The following CNTNAP2 variants were observed in gnomAD, a reference collection of about 807,000 sequenced individuals.
CNTNAP2 encodes contactin-associated protein-like 2.
A neutral mutation model predicts 155.2 loss-of-function variants in CNTNAP2; 98 were observed. The ratio of observed to expected loss-of-function variants is 0.63; its 90% confidence interval spans 0.54 to 0.75. The LOEUF is 0.75. CNTNAP2 is among the 30% of genes least tolerant of loss of function. The probability of loss-of-function intolerance (pLI) is 0.00; values close to 1 mark genes in which losing one functional copy is unlikely to be tolerated. For synonymous variants in CNTNAP2, 651 were observed against 631.2 expected, an observed-to-expected ratio of 1.03 and a Z score of -0.47; for missense variants, 1,727 against 1,688.1, an observed-to-expected ratio of 1.02 and a Z score of -0.40.
intron 8 of CNTNAP2, 45 bp downstream of exon 8, chr7:147,132,554 T>C: frequency 1.2e-6 from 2 of 1,611,212 alleles, no homozygotes; most frequent in Non-Finnish European, 1.7e-6. Flanking sequence ...CTTATTGCAA[T>C]TTCCAGAGTT....
chr7:147,485,664 T>C (rs1798497209), intron 10 of CNTNAP2, among the ~76,000 whole-genome samples: 1 of 152,168 alleles, frequency 6.6e-6, no homozygotes, highest in Non-Finnish European at 1.5e-5. Flanking sequence ...ATAAAATGAA[T>C]CTGTGATATT....
chr7:146,920,227 A>T (rs1011661311), intron 3 of CNTNAP2, among the ~76,000 whole-genome samples: 2 of 152,098 alleles, frequency 1.3e-5, no homozygotes, highest in Non-Finnish European at 2.9e-5. Flanking sequence ...CAGCCTGGGC[A>T]AGGTGGTGAA....
At chr7:148,109,244 C>T (rs1461299868) in intron 15 of CNTNAP2, among the ~76,000 whole-genome samples, 1 of 152,186 alleles carries the variant, frequency 6.6e-6, no homozygotes, top group Non-Finnish European at 1.5e-5. Context: ...TCTTACCATA[C>T]CCTATAAAAG....
At chr7:147,470,523 A>G (rs1237123273) in intron 10 of CNTNAP2, among the ~76,000 whole-genome samples, 2 of 151,974 alleles carry the variant, frequency 1.3e-5, no homozygotes, top group African/African-American at 4.8e-5. Context: ...GATGGTAGCT[A>G]TGATAGTGTC....
chr7:147,824,251 G>T (rs532700854), intron 13 of CNTNAP2, among the ~76,000 whole-genome samples: 6 of 152,080 alleles, frequency 3.9e-5, no homozygotes, highest in Non-Finnish European at 7.4e-5. Flanking sequence ...TTAAACTATC[G>T]CAGAGAGTAG....
At chr7:147,285,303 A>G (rs1427823012) in intron 8 of CNTNAP2, among the ~76,000 whole-genome samples, 3 of 151,888 alleles carry the variant, frequency 2.0e-5, no homozygotes, top group African/African-American at 7.2e-5. Flanking sequence ...AAAAACAATT[A>G]TCTCACTCGT....
At chr7:147,464,958 C>T (rs1798091817) in intron 10 of CNTNAP2, among the ~76,000 whole-genome samples, 1 of 152,216 alleles carries the variant, frequency 6.6e-6, no homozygotes, top group African/African-American at 2.4e-5. Flanking sequence ...ACATATACAC[C>T]ATGAAAAACT....
At chr7:147,971,972 C>G (rs915210040) in intron 14 of CNTNAP2, among the ~76,000 whole-genome samples, 4 of 152,180 alleles carry the variant, frequency 2.6e-5, no homozygotes, top group Admixed American at 6.5e-5. Flanking sequence ...ACCCCCCGAG[C>G]AATGTGTGAT....
At chr7:147,156,838 A>AGAT (rs1257505249) in intron 8 of CNTNAP2, among the ~76,000 whole-genome samples, 1 of 152,096 alleles carries the variant, frequency 6.6e-6, no homozygotes, top group African/African-American at 2.4e-5. Flanking sequence ...TTCCTAGAGG[A>AGAT]GATTGTTACT....
At position 146,440,651 on chromosome 7, in the gene CNTNAP2, C is replaced by T. The variant is rs76777921; in HGVS notation, c.97+323678C>T. The stretch of plus-strand genomic sequence containing the variant: ...GCCCTCCACCAAAACAATGCATCTG[C>T]GTAAATATTTCACAATTTTCCATTG... On this transcript the variant is annotated intron_variant, in intron 1 of 23. Coordinates refer to ENST00000361727, the MANE Select transcript of CNTNAP2 (RefSeq NM_014141.6). Among the ~76,000 whole-genome samples the T allele has an allele frequency of 4.6e-5, 7 of 151,544 alleles. No individual in the cohort carries two copies. In the East Asian group the frequency reaches 9.7e-4, roughly 21 times the overall value.
chr7:147,136,053 T>G (rs1290088194), intron 8 of CNTNAP2, among the ~76,000 whole-genome samples: 4 of 151,382 alleles, frequency 2.6e-5, no homozygotes, highest in African/African-American at 9.7e-5. Context: ...CCTTTTGAAG[T>G]AAGTTTTTAT....
At chr7:146,594,894 C>T (rs1798836143) in intron 1 of CNTNAP2, among the ~76,000 whole-genome samples, 1 of 152,006 alleles carries the variant, frequency 6.6e-6, no homozygotes. Context: ...TGACAGATGC[C>T]TAATTACCAA....
intron 1 of CNTNAP2, among the ~76,000 whole-genome samples, chr7:146,639,774 A>G (rs78934413): frequency 0.022 from 3,426 of 152,346 alleles, 46 homozygotes; most frequent in Middle Eastern, 0.041. Flanking sequence ...TATCAAAGAC[A>G]TAGGTCAATT....
chr7:147,586,766 C>G (rs1405364106), intron 12 of CNTNAP2, among the ~76,000 whole-genome samples: 4 of 152,036 alleles, frequency 2.6e-5, no homozygotes, highest in African/African-American at 9.7e-5. Context: ...AGTTCCTGTT[C>G]CACTTGGAAA....
intron 15 of CNTNAP2, among the ~76,000 whole-genome samples, chr7:148,002,631 A>AT (rs1026969397): frequency 6.6e-5 from 10 of 152,056 alleles, no homozygotes. Context: ...CAAAACCTTG[A>AT]TTTTTTTGGA....
intron 3 of CNTNAP2, among the ~76,000 whole-genome samples, chr7:146,907,207 C>G (rs1020924864): frequency 3.3e-5 from 5 of 151,652 alleles, no homozygotes; most frequent in Non-Finnish European, 7.4e-5. Context: ...GAGAATGGAA[C>G]CAAGTTGGAA....
At chr7:147,790,495 G>T (rs1797803029) in intron 13 of CNTNAP2, among the ~76,000 whole-genome samples, 1 of 152,086 alleles carries the variant, frequency 6.6e-6, no homozygotes, top group Admixed American at 6.5e-5. Flanking sequence ...CTGCTAAAAG[G>T]AAACCTGATT....
intron 2 of CNTNAP2, among the ~76,000 whole-genome samples, chr7:146,808,440 C>T (rs542522941): frequency 6.6e-6 from 1 of 152,124 alleles, no homozygotes; most frequent in South Asian, 2.1e-4. Context: ...TCCTGCAATA[C>T]CAGGATTCTG....
At chr7:146,546,590 C>CG (rs1798033000) in intron 1 of CNTNAP2, among the ~76,000 whole-genome samples, 1 of 151,716 alleles carries the variant, frequency 6.6e-6, no homozygotes, top group East Asian at 1.9e-4. Flanking sequence ...CAGAAATTAT[C>CG]ATAACAGGTT....
Sources: gnomAD v4.1 joint callset for allele counts (sites outside exome capture counted in the v4.1 genomes callset) on GRCh38, gnomAD v4.1.1 for gene constraint, MANE v1.5 for transcripts, NCBI Gene and HGNC (gene_info 2026-07-23, HGNC 2026-07-21) for gene names.